HS3ST2: variants seen among roughly 807,000 people sequenced by gnomAD.
HS3ST2 encodes the protein heparan sulfate glucosamine 3-O-sulfotransferase 2.
Under a neutral mutation model 26.3 loss-of-function variants are expected in HS3ST2, and 17 were observed. The observed-to-expected ratio is 0.65, with a 90% CI of 0.44 to 0.97. The LOEUF (loss-of-function observed/expected upper bound fraction) is 0.97, where lower values mean the gene tolerates loss of function less well. Among genes scored for constraint, HS3ST2 ranks in the 50% least tolerant of loss-of-function variants. The probability of loss-of-function intolerance (pLI) is 0.00; values close to 1 mark genes in which losing one functional copy is unlikely to be tolerated. For missense variants in HS3ST2, 402 were observed against 501.2 expected, an observed-to-expected ratio of 0.80 and a Z score of 1.89; for synonymous variants, 237 against 219.2, an observed-to-expected ratio of 1.08 and a Z score of -0.72.
Position 22,897,467 on chromosome 16 carries a change from G to C in HS3ST2, c.486-17477G>C, listed in dbSNP as rs551220901. Among the ~76,000 whole-genome samples, 7 of 152,266 alleles carry C rather than the reference G, an allele frequency of 4.6e-5. No individual in the cohort carries two copies. The South Asian group carries it at 1.5e-3, about 32-fold the overall frequency. Reference sequence around the variant, plus strand: ...TTGAGTCAGAGGCTCCCAAACTTTAGTAATTGAAGGACCAACTTTTTACCA... The same window carrying C: ...TTGAGTCAGAGGCTCCCAAACTTTACTAATTGAAGGACCAACTTTTTACCA... On this transcript the variant is annotated intron_variant, in intron 1 of 1. Coordinates refer to ENST00000261374, the MANE Select transcript of HS3ST2 (RefSeq NM_006043.2).
chr16:22,850,230 G>A (rs1343574135), intron 1 of HS3ST2, among the ~76,000 whole-genome samples: 1 of 151,290 alleles, frequency 6.6e-6, no homozygotes, highest in Non-Finnish European at 1.5e-5. Flanking sequence ...GCAATGATAT[G>A]TAGCATAATC....
At chr16:22,883,143 C>G (rs1260911846) in intron 1 of HS3ST2, among the ~76,000 whole-genome samples, 1 of 152,138 alleles carries the variant, frequency 6.6e-6, no homozygotes, top group African/African-American at 2.4e-5. Flanking sequence ...TATAAAGTGC[C>G]AGCAGATGCC....
chr16:22,851,331 C>T (rs953457205), intron 1 of HS3ST2, among the ~76,000 whole-genome samples: 1 of 152,332 alleles, frequency 6.6e-6, no homozygotes, highest in Middle Eastern at 3.4e-3. Flanking sequence ...TTAATGCTCA[C>T]ATCAACTCTG....
chr16:22,895,070 CTTT>C (rs55861016), intron 1 of HS3ST2, among the ~76,000 whole-genome samples: 13 of 134,696 alleles, frequency 9.7e-5, no homozygotes, highest in African/African-American at 1.9e-4. Flanking sequence ...TTCTTTCTTT[CTTT>C]TTTTTTTTTT....
In HS3ST2 at chr16:22,840,151, C is replaced by T. The variant is rs1366463757; in HGVS notation, c.485+25056C>T. ...TTGATGGTGACAGGCACCTGACTTA[C>T]AAAGGTAAGTAGAAGCAAATCCAGC... On this transcript the variant is annotated intron_variant, in intron 1 of 1. Transcript: ENST00000261374. 4.6e-5 allele frequency among the ~76,000 whole-genome samples: 7 copies of T among 152,172 alleles called. No homozygotes were observed. In the South Asian group the frequency reaches 6.2e-4, roughly 14 times the overall value.
At chr16:22,876,228 T>C (rs573421183) in intron 1 of HS3ST2, among the ~76,000 whole-genome samples, 21 of 151,878 alleles carry the variant, frequency 1.4e-4, no homozygotes, top group African/African-American at 5.1e-4. Context: ...CCAGAATCTA[T>C]AAGGAAATCA....
Position 22,814,840 on chromosome 16 carries a change from G to C in HS3ST2, c.230G>C (p.Gly77Ala). 1 of 1,568,572 alleles carries C rather than the reference G, an allele frequency of 6.4e-7. No individual in the cohort carries two copies. The highest frequency in any genetic ancestry group is 8.6e-7 in the Non-Finnish European group (1 of 1,157,534). The change falls in exon 1 of 2, where the codon GGG becomes GCG. Residue 77 changes from glycine to alanine, a missense_variant. Gly to Ala is a moderately conservative substitution (Grantham distance 60). Around this residue, in one of 2 missense-constraint regions of HS3ST2, gnomAD observed 165 missense variants for 154.6 expected, o/e 1.07. Transcript: ENST00000261374. ...AAGTCCCGCCCCTGTGATCCCTCCG[G>C]GCCGACGCCCAGCGAGCCCAGCGCT... ...LQKSRPCDPS[G>A]PTPSEPSAPS...
At chr16:22,828,506 C>T (rs938221065) in intron 1 of HS3ST2, among the ~76,000 whole-genome samples, 1 of 152,234 alleles carries the variant, frequency 6.6e-6, no homozygotes, top group Non-Finnish European at 1.5e-5. Context: ...ATCTCTCCGA[C>T]TTTCCCAAAG....
At chr16:22,895,634 C>T (rs1411410515) in intron 1 of HS3ST2, among the ~76,000 whole-genome samples, 1 of 152,076 alleles carries the variant, frequency 6.6e-6, no homozygotes, top group Non-Finnish European at 1.5e-5. Flanking sequence ...GGTGTTTGGC[C>T]TATTTCCAAC....
At chr16:22,851,345 G>C (rs573871479) in intron 1 of HS3ST2, among the ~76,000 whole-genome samples, 2 of 152,266 alleles carry the variant, frequency 1.3e-5, no homozygotes, top group East Asian at 3.9e-4. Flanking sequence ...AACTCTGTTG[G>C]GTAGAAACTG....
chr16:22,852,321 G>C (rs1490216279), intron 1 of HS3ST2, among the ~76,000 whole-genome samples: 3 of 152,144 alleles, frequency 2.0e-5, no homozygotes, highest in African/African-American at 7.2e-5. Context: ...GAGTTTTGTG[G>C]GAGGTTTTAA....
At chr16:22,904,130 C>A (rs999232223) in intron 1 of HS3ST2, among the ~76,000 whole-genome samples, 2 of 152,164 alleles carry the variant, frequency 1.3e-5, no homozygotes, top group Non-Finnish European at 2.9e-5. Flanking sequence ...TCAGGGATAA[C>A]CTTTCCCACC....
intron 1 of HS3ST2, among the ~76,000 whole-genome samples, chr16:22,875,411 C>T (rs867337446): frequency 1.7e-4 from 25 of 151,250 alleles, no homozygotes; most frequent in Middle Eastern, 3.4e-3. Flanking sequence ...GATAGAGTCT[C>T]GCTCTGTCGC....
At chr16:22,893,100 C>T (rs536016337) in intron 1 of HS3ST2, among the ~76,000 whole-genome samples, 61 of 152,272 alleles carry the variant, frequency 4.0e-4, no homozygotes, top group Admixed American at 1.0e-3. Flanking sequence ...TAATGAGACT[C>T]GTAGCCTGGA....
intron 1 of HS3ST2, among the ~76,000 whole-genome samples, chr16:22,835,470 A>G (rs1901241723): frequency 6.6e-6 from 1 of 152,152 alleles, no homozygotes; most frequent in Non-Finnish European, 1.5e-5. Flanking sequence ...ATGCTTATCA[A>G]AACAACAATA....
At position 22,830,402 on chromosome 16, in the gene HS3ST2, G is replaced by A. The variant is rs151077424; in HGVS notation, c.485+15307G>A. Among the ~76,000 whole-genome samples the A allele has an allele frequency of 7.0e-4, 106 of 152,284 alleles. 1 individual carries two copies. In the East Asian group the frequency reaches 0.018, roughly 26 times the overall value. The stretch of plus-strand genomic sequence containing the variant: ...TCTTGCTAACAGGAGGAGGCTAAGA[G>A]GTGAGCAGGGGTGCACCATAAAGAT... On this transcript the variant is annotated intron_variant, in intron 1 of 1. Coordinates refer to ENST00000261374, the MANE Select transcript of HS3ST2 (RefSeq NM_006043.2).
chr16:22,867,209 G>T (rs1245006674), intron 1 of HS3ST2, among the ~76,000 whole-genome samples: 3 of 152,122 alleles, frequency 2.0e-5, no homozygotes, highest in Non-Finnish European at 4.4e-5. Context: ...TGAGACAACT[G>T]GCTTGCCATT....
At chr16:22,913,536 A>G (rs1902452864) in intron 1 of HS3ST2, among the ~76,000 whole-genome samples, 1 of 152,234 alleles carries the variant, frequency 6.6e-6, no homozygotes, top group Admixed American at 6.5e-5. Flanking sequence ...ACTCATATCT[A>G]AAACAGTTGC....
In HS3ST2 at chr16:22,814,899, C is replaced by T; in HGVS notation, c.289C>T (p.Arg97Cys). 1 of 1,576,758 alleles carries T rather than the reference C, an allele frequency of 6.3e-7. No individual in the cohort carries two copies. The highest frequency in any genetic ancestry group is 1.8e-5 in the Admixed American group (1 of 54,426). Residue 97 changes from arginine (R) to cysteine (C), a missense_variant, in exon 1 of 2, where the codon CGC (arginine) becomes TGC (cysteine). By Grantham distance (180) the Arg-to-Cys change is radical (BLOSUM62 -3). Coordinates refer to ENST00000261374, the MANE Select transcript of HS3ST2 (RefSeq NM_006043.2). ...SAPAAAVPAP[R>C]LSGSNHSGSP... ...GCCCGCCGCCGCCGTGCCCGCCCCTCGCCTCTCCGGTTCCAACCACTCCGG... is the reference window on the plus strand; with the variant it reads ...GCCCGCCGCCGCCGTGCCCGCCCCTTGCCTCTCCGGTTCCAACCACTCCGG...
Sources: gnomAD v4.1 joint callset for allele counts (sites outside exome capture counted in the v4.1 genomes callset) on GRCh38, gnomAD v4.1.1 for gene constraint, gnomAD v4.1.1 regional missense constraint, MANE v1.5 for transcripts, NCBI Gene and HGNC (gene_info 2026-07-23, HGNC 2026-07-21) for gene names.